Variants in DNAH8 observed in about 807,000 individuals in gnomAD.
DNAH8 encodes axonemal beta dynein heavy chain 8.
A neutral mutation model predicts 562.1 loss-of-function variants in DNAH8; 382 were observed. That is an observed-to-expected ratio of 0.68 (90% CI 0.63 to 0.74). The LOEUF is 0.74. Among genes scored for constraint, DNAH8 ranks in the 30% least tolerant of loss-of-function variants. The probability of loss-of-function intolerance (pLI) is 0.00; values close to 1 mark genes in which losing one functional copy is unlikely to be tolerated. For missense variants in DNAH8, 5,203 were observed against 5,620.4 expected, an observed-to-expected ratio of 0.93 and a Z score of 2.37; for synonymous variants, 1,881 against 1,919.4, an observed-to-expected ratio of 0.98 and a Z score of 0.52.
chr6:38,971,965 A>G (rs561113474), intron 83 of DNAH8: 1 of 247,540 alleles, frequency 4.0e-6, no homozygotes, highest in African/African-American at 2.2e-5. Flanking sequence ...TTCATGATCA[A>G]TATGAATAGG....
At chr6:38,957,920 A>G (rs1367852647) in intron 82 of DNAH8, among the ~76,000 whole-genome samples, 1 of 151,766 alleles carries the variant, frequency 6.6e-6, no homozygotes, top group Non-Finnish European at 1.5e-5. Context: ...TTGCATCTCA[A>G]GGAACTAGAA....
chr6:38,897,814 A>G (rs1368580259), intron 60 of DNAH8, among the ~76,000 whole-genome samples: 1 of 152,170 alleles, frequency 6.6e-6, no homozygotes, highest in Non-Finnish European at 1.5e-5. Flanking sequence ...TATGCAGATC[A>G]AAGAATTAGA....
intron 41 of DNAH8, 35 bp downstream of exon 41, chr6:38,853,382 G>A: frequency 6.3e-7 from 1 of 1,597,976 alleles, no homozygotes; most frequent in South Asian, 1.1e-5. Context: ...ATGGTGAAAA[G>A]AAATGGAAAT....
chr6:38,879,603 C>T (rs537870713), intron 53 of DNAH8, among the ~76,000 whole-genome samples: 8 of 152,286 alleles, frequency 5.3e-5, no homozygotes, highest in Admixed American at 1.3e-4. Context: ...TAACGTTATA[C>T]GGAATGGTAA....
Position 38,737,212 on chromosome 6 carries a change from A to G in DNAH8, c.908A>G (p.His303Arg), listed in dbSNP as rs2127581336. ...NQSKQGESEK[H>R]IFTETINRYL... ...TCCAAGCAGGGAGAATCTGAAAAAC[A>G]TATTTTCACTGAAACCATCAACAGA... The change falls in exon 6 of 93, where the codon CAT (histidine) becomes CGT (arginine). Residue 303 changes from histidine (H) to arginine (R), a missense_variant. Around this residue, in one of 6 missense-constraint regions of DNAH8, gnomAD observed 556 missense variants for 496.9 expected, o/e 1.12. Transcript: ENST00000327475. The G allele has an allele frequency of 2.6e-6, 4 of 1,522,758 alleles. No individual in the cohort carries two copies. The highest frequency in any genetic ancestry group is 3.5e-6 in the Non-Finnish European group (4 of 1,134,104). The allele number at this position is 1,522,758 out of a possible 1,614,324, so 94.3% of individuals were successfully genotyped here.
chr6:38,890,365 A>G (rs1779257090), intron 57 of DNAH8, among the ~76,000 whole-genome samples: 1 of 152,234 alleles, frequency 6.6e-6, no homozygotes, highest in South Asian at 2.1e-4. Context: ...TGAGCAAGTT[A>G]CTAAGCTCAT....
intron 16 of DNAH8, 114 bp downstream of exon 16, chr6:38,781,487 T>C: frequency 7.9e-7 from 1 of 1,270,078 alleles, no homozygotes; most frequent in Non-Finnish European, 1.1e-6. Context: ...GCCAATTCTT[T>C]TACCAGGCAA....
chr6:38,880,448 TG>T (rs899191615), intron 53 of DNAH8, among the ~76,000 whole-genome samples: 18 of 152,142 alleles, frequency 1.2e-4, no homozygotes, highest in Admixed American at 7.2e-4. Flanking sequence ...GCCAGTGCGA[TG>T]GGGGGAAAAA....
At chr6:38,715,606 T>A (rs943210844) in intron 1 of DNAH8, among the ~76,000 whole-genome samples, 191 bp downstream of exon 1, 1 of 152,134 alleles carries the variant, frequency 6.6e-6, no homozygotes, top group South Asian at 2.1e-4. Flanking sequence ...CTACCCTTTG[T>A]CAGTCTCTAC....
chr6:38,971,743 C>T (rs762170256), intron 83 of DNAH8, 78 bp downstream of exon 83: 7 of 1,130,644 alleles, frequency 6.2e-6, no homozygotes, highest in South Asian at 1.7e-5. Flanking sequence ...ACATTCTTCT[C>T]GTGATGCTCA....
chr6:38,777,723 C>T (rs1768207516), intron 13 of DNAH8, among the ~76,000 whole-genome samples: 1 of 152,178 alleles, frequency 6.6e-6, no homozygotes, highest in South Asian at 2.1e-4. Context: ...TGAGCCACCA[C>T]TCTGGGCCAA....
intron 57 of DNAH8, among the ~76,000 whole-genome samples, chr6:38,888,145 G>A (rs1213902499): frequency 6.6e-6 from 1 of 152,116 alleles, no homozygotes; most frequent in Non-Finnish European, 1.5e-5. Context: ...ATCCGGGAAA[G>A]GGCAGACTTT....
chr6:38,883,844 A>G (rs1778699890), intron 55 of DNAH8, 32 bp from the exon 56 acceptor site: 4 of 1,489,156 alleles, frequency 2.7e-6, no homozygotes, highest in African/African-American at 2.8e-5. Flanking sequence ...TTAAAATCTA[A>G]TGCATAAGAC....
chr6:38,950,653 A>G (rs1761835261), intron 81 of DNAH8, among the ~76,000 whole-genome samples: 1 of 151,948 alleles, frequency 6.6e-6, no homozygotes, highest in Non-Finnish European at 1.5e-5. Context: ...GTTAGTCAGG[A>G]TGGTCTCGAT....
intron 21 of DNAH8, among the ~76,000 whole-genome samples, chr6:38,793,649 A>G (rs1321847830): frequency 6.6e-6 from 1 of 152,120 alleles, no homozygotes; most frequent in Non-Finnish European, 1.5e-5. Flanking sequence ...CTATTAATTA[A>G]TATTTTTGGA....
intron 49 of DNAH8, among the ~76,000 whole-genome samples, chr6:38,871,903 C>T (rs1334112328): frequency 6.6e-6 from 1 of 152,170 alleles, no homozygotes; most frequent in Non-Finnish European, 1.5e-5. Context: ...CCAGGTGGAG[C>T]AATCTTTGAG....
At position 38,722,833 on chromosome 6, in the gene DNAH8, C is replaced by T. The variant is rs754363459; in HGVS notation, c.24C>T (p.Gly8=). 1.0e-5 allele frequency: 16 copies of T among 1,597,340 alleles called. No individual in the cohort carries two copies. The African/African-American group carries it at 1.3e-4, about 13-fold the overall frequency. MEKDAED[G]APSEGAEAPP... ...GGATGGAGAAGGATGCTGAAGATGG[C>T]GCCCCTTCTGAGGGAGCAGAGGCTC... The change falls in exon 2 of 93, where the codon GGC becomes GGT. Residue 8 remains glycine, a synonymous_variant. Coordinates refer to ENST00000327475, the MANE Select transcript of DNAH8 (RefSeq NM_001206927.2).
intron 87 of DNAH8, among the ~76,000 whole-genome samples, chr6:38,984,574 C>G (rs560819718): frequency 1.3e-5 from 2 of 152,010 alleles, no homozygotes; most frequent in Admixed American, 6.6e-5. Flanking sequence ...GGGCGGATCA[C>G]GAGGTCAGGA....
intron 21 of DNAH8, among the ~76,000 whole-genome samples, chr6:38,802,775 T>G (rs1398577598): frequency 6.6e-6 from 1 of 152,252 alleles, no homozygotes; most frequent in Non-Finnish European, 1.5e-5. Context: ...AACACCATGC[T>G]CAATTAAAAA....
Sources: gnomAD v4.1 joint callset for allele counts (sites outside exome capture counted in the v4.1 genomes callset) on GRCh38, gnomAD v4.1.1 for gene constraint, gnomAD v4.1.1 regional missense constraint, MANE v1.5 for transcripts, NCBI Gene and HGNC (gene_info 2026-07-23, HGNC 2026-07-21) for gene names.